ERCC6L2: variants seen among roughly 807,000 people sequenced by gnomAD.
ERCC6L2 encodes ERCC excision repair 6 like 2.
In ERCC6L2, 77 loss-of-function variants were observed where a neutral mutation model predicts 132.0. The ratio of observed to expected loss-of-function variants is 0.58; its 90% CI spans 0.49 to 0.71. The LOEUF is 0.71. ERCC6L2 is among the 30% of genes least tolerant of loss of function. The pLI is 0.00. For missense variants in ERCC6L2, 1,542 were observed against 1,837.6 expected (o/e 0.84, Z 2.94); for synonymous variants, 583 against 632.4 (o/e 0.92, Z 1.17).
downstream of ERCC6L2, chr9:96,020,367 GGGA>G (rs1410885759): frequency 5.0e-6 from 1 of 199,840 alleles, no homozygotes; most frequent in Non-Finnish European, 1.0e-5. Context: ...TGGATAAGAT[GGGA>G]GGAGTTCTGA....
chr9:95,959,460 A>G (rs1484683104), intron 13 of ERCC6L2, among the ~76,000 whole-genome samples: 3 of 151,902 alleles, frequency 2.0e-5, no homozygotes, highest in Admixed American at 6.6e-5. Context: ...CATTCAGGAC[A>G]TAGGCATGGG....
chr9:95,949,586 A>G (rs1337470268), intron 12 of ERCC6L2, among the ~76,000 whole-genome samples: 2 of 152,234 alleles, frequency 1.3e-5, no homozygotes, highest in East Asian at 3.8e-4. Flanking sequence ...CAAACTGTCA[A>G]CTGAGAAACA....
At position 95,922,383 on chromosome 9, in the gene ERCC6L2, G is replaced by A. The variant is rs200558009; in HGVS notation, c.1378G>A (p.Ala460Thr). The change falls in exon 8 of 19, where the codon GCG becomes ACG. Residue 460 changes from alanine (A) to threonine (T), a missense_variant. Coordinates refer to ENST00000653738, the MANE Select transcript of ERCC6L2 (RefSeq NM_020207.7). ...CCTTCAGAAGGTAGCTAACCATGTC[G>A]CGCTACTGCAAGCTGCTAGTACTTC... ...TVLQKVANHV[A>T]LLQAASTSKQ... 2.2e-5 allele frequency: 36 copies of A among 1,612,886 alleles called. No individual in the cohort carries two copies. Among genetic ancestry groups the A allele is most frequent in the South Asian group, 2.2e-4 (20 of 90,998 alleles).
intron 12 of ERCC6L2, among the ~76,000 whole-genome samples, chr9:95,944,622 C>T (rs574659052): frequency 8.5e-5 from 13 of 152,152 alleles, no homozygotes; most frequent in South Asian, 8.3e-4. Flanking sequence ...TTAGGTGTAT[C>T]GGGGAAATTC....
chr9:96,013,937 TGTAGTTCTTAA>T lies in ERCC6L2; in HGVS notation c.*738_*748del, dbSNP rs1834118938. 6.6e-6 allele frequency: 1 copy of T among 152,224 alleles called. No individual in the cohort carries two copies. Among genetic ancestry groups the T allele is most frequent in the African/African-American group, 2.4e-5 (1 of 41,458 alleles). The allele number at this position is 152,224 out of a possible 1,614,324, so 9.4% of individuals were successfully genotyped here. A position where few individuals can be genotyped will look rare whatever the true frequency, so the allele number is the denominator to read the frequency against. ...TAAATAAAGGTTTGTATAGTACTTT[TGTAGTTCTTAA>T]GTATGAAGAAATGGGTAAACTTTTT... On this transcript the variant is annotated 3_prime_UTR_variant, in exon 19 of 19. Transcript: ENST00000653738.
At position 95,973,098 on chromosome 9, in the gene ERCC6L2, G is replaced by T. The variant is rs1832500981; in HGVS notation, c.3337+10G>T. ...ATGGATAAATTTTTAGGTAACTAAA[G>T]ACACATTCTCAAAACTTTAAAAAGT... On this transcript the variant is annotated intron_variant, in intron 16 of 18. Coordinates refer to ENST00000653738, the MANE Select transcript of ERCC6L2 (RefSeq NM_020207.7). 4 of 1,305,390 alleles carry T rather than the reference G, an allele frequency of 3.1e-6. No individual in the cohort carries two copies. The South Asian group carries it at 5.1e-5, about 17-fold the overall frequency. 80.9% of individuals were successfully genotyped at this position (1,305,390 alleles called of 1,614,324 possible). A position where few individuals can be genotyped will look rare whatever the true frequency, so the allele number is the denominator to read the frequency against.
intron 12 of ERCC6L2, among the ~76,000 whole-genome samples, chr9:95,949,743 C>G (rs1247999386): frequency 6.6e-6 from 1 of 152,186 alleles, no homozygotes; most frequent in Non-Finnish European, 1.5e-5. Flanking sequence ...GGTGCAGTGG[C>G]TCACGCCTGT....
Position 95,922,201 on chromosome 9 carries a change from A to C in ERCC6L2, c.1300-104A>C, listed in dbSNP as rs1284186633. 3 of 546,058 alleles carry C rather than the reference A, an allele frequency of 5.5e-6. No homozygotes were observed. The East Asian group carries it at 9.4e-5, about 17-fold the overall frequency. The allele number at this position is 546,058 out of a possible 1,614,324, so 33.8% of individuals were successfully genotyped here. ...CATTTTCTTGGAATTTATTGTGCCA[A>C]AGTAACCCGATAATAAATGTTATTG... On this transcript the variant is annotated intron_variant, in intron 7 of 18. Transcript: ENST00000653738.
rs1829087675 is a variant in ERCC6L2, at chr9:95,907,248, C to T, written c.765C>T (p.Arg255=). Residue 255 remains arginine (R), a synonymous_variant, in exon 4 of 19, where the codon CGC becomes CGT. Transcript: ENST00000653738. Reference sequence around the variant, plus strand: ...CTCTAACAACTTATGAAACACTACGCTTATGCCTGGATGAACTTAACAGGT... The same window carrying T: ...CTCTAACAACTTATGAAACACTACGTTTATGCCTGGATGAACTTAACAGGT... ...EIALTTYETL[R]LCLDELNSLE... The T allele has an allele frequency of 1.9e-6, 3 of 1,610,626 alleles. No individual in the cohort carries two copies. The highest frequency in any genetic ancestry group is 2.5e-6 in the Non-Finnish European group (3 of 1,178,830).
intron 19 of ERCC6L2, among the ~76,000 whole-genome samples, chr9:96,024,124 G>C (rs990407920): frequency 1.3e-5 from 2 of 152,204 alleles, no homozygotes; most frequent in Non-Finnish European, 2.9e-5. Context: ...TCTAAAAGTT[G>C]CTACTAACTA....
At chr9:95,889,076 T>C (rs1191389412) in intron 2 of ERCC6L2, among the ~76,000 whole-genome samples, 2 of 152,146 alleles carry the variant, frequency 1.3e-5, no homozygotes, top group African/African-American at 2.4e-5. Context: ...TAAAAATCAT[T>C]AGTGGATTTA....
intron 11 of ERCC6L2, 179 bp downstream of exon 11, chr9:95,929,043 C>G (rs2132794602): frequency 4.4e-6 from 2 of 454,548 alleles, no homozygotes; most frequent in South Asian, 3.6e-5. Flanking sequence ...CTCTCATTTC[C>G]TTTATCAACA....
At chr9:95,945,389 G>C (rs1186053174) in intron 12 of ERCC6L2, among the ~76,000 whole-genome samples, 1 of 152,084 alleles carries the variant, frequency 6.6e-6, no homozygotes, top group African/African-American at 2.4e-5. Context: ...ATTTCATATT[G>C]TTTAAACACA....
At chr9:95,897,117 C>T (rs1828507313) in intron 2 of ERCC6L2, among the ~76,000 whole-genome samples, 1 of 152,056 alleles carries the variant, frequency 6.6e-6, no homozygotes, top group Non-Finnish European at 1.5e-5. Context: ...ATGGATACCT[C>T]ATATACCTTT....
intron 16 of ERCC6L2, 73 bp downstream of exon 16, chr9:95,973,161 A>G (rs1406798785): frequency 9.7e-6 from 10 of 1,031,026 alleles, no homozygotes; most frequent in Non-Finnish European, 1.3e-5. Context: ...AGACGCTTTG[A>G]ATTAACTTGT....
intron 2 of ERCC6L2, among the ~76,000 whole-genome samples, chr9:95,892,746 T>C (rs953066884): frequency 1.3e-5 from 2 of 152,196 alleles, no homozygotes; most frequent in African/African-American, 4.8e-5. Flanking sequence ...TCTTTTAATC[T>C]GCTAGTTTTA....
At position 95,985,957 on chromosome 9, in the gene ERCC6L2, A is replaced by C. The variant is rs554603710; in HGVS notation, c.3492+7742A>C. On this transcript the variant is annotated intron_variant, in intron 17 of 18. Coordinates refer to ENST00000653738, the MANE Select transcript of ERCC6L2 (RefSeq NM_020207.7). Reference sequence around the variant, plus strand: ...TTCTTAGACAGCCTTCAGTTTGTGAACTATTCTCCAAACATGCTTAGGCCT... The same window carrying C: ...TTCTTAGACAGCCTTCAGTTTGTGACCTATTCTCCAAACATGCTTAGGCCT... 1.1e-4 allele frequency among the ~76,000 whole-genome samples: 16 copies of C among 152,210 alleles called. No homozygotes were observed. In the South Asian group the frequency reaches 2.5e-3, roughly 24 times the overall value.
intron 12 of ERCC6L2, among the ~76,000 whole-genome samples, chr9:95,946,296 A>G (rs368518710): frequency 7.2e-5 from 11 of 152,154 alleles, no homozygotes; most frequent in Admixed American, 1.3e-4. Flanking sequence ...TGGGAGGCCA[A>G]CGTGGGCGGA....
intron 17 of ERCC6L2, among the ~76,000 whole-genome samples, chr9:95,988,333 G>A (rs1266074531): frequency 6.6e-6 from 1 of 152,152 alleles, no homozygotes; most frequent in Non-Finnish European, 1.5e-5. Context: ...AGTATAACTA[G>A]GATCTGTTCT....
Sources: gnomAD v4.1 joint callset for allele counts (sites outside exome capture counted in the v4.1 genomes callset) on GRCh38, gnomAD v4.1.1 for gene constraint, MANE v1.5 for transcripts, NCBI Gene and HGNC (gene_info 2026-07-23, HGNC 2026-07-21) for gene names.